The following CREBL2 variants were observed in gnomAD, a reference collection of about 807,000 sequenced individuals.
The protein encoded by CREBL2 is cAMP responsive element binding protein like 2.
A neutral mutation model predicts 19.5 loss-of-function variants in CREBL2; 4 were observed. The observed-to-expected ratio is 0.20, with a 90% CI of 0.10 to 0.47. The LOEUF (loss-of-function observed/expected upper bound fraction) is 0.47. Among genes scored for constraint, CREBL2 ranks in the 20% least tolerant of loss-of-function variants. CREBL2 has a pLI of 0.98. For synonymous variants in CREBL2, 42 were observed against 46.6 expected, an observed-to-expected ratio of 0.90 and a Z score of 0.40; for missense variants, 85 against 145.1, an observed-to-expected ratio of 0.59 and a Z score of 2.13.
chr12:12,634,821 G>A (rs989812459), intron 1 of CREBL2, among the ~76,000 whole-genome samples: 8 of 152,058 alleles, frequency 5.3e-5, no homozygotes, highest in African/African-American at 1.7e-4. Flanking sequence ...TTTGAGAGGC[G>A]GAGGCAGGAG....
At chr12:12,638,789 C>T (rs1463948805) in intron 3 of CREBL2, among the ~76,000 whole-genome samples, 1 of 152,190 alleles carries the variant, frequency 6.6e-6, no homozygotes, top group Non-Finnish European at 1.5e-5. Flanking sequence ...TCCAGGCTGT[C>T]TAGTGCAGTA....
At chr12:12,631,072 G>A (rs1366465533) in intron 1 of CREBL2, among the ~76,000 whole-genome samples, 1 of 152,204 alleles carries the variant, frequency 6.6e-6, no homozygotes, top group African/African-American at 2.4e-5. Context: ...AAAACAGGGA[G>A]TTGGAAAATT....
chr12:12,622,001 A>G (rs1945363503), intron 1 of CREBL2, among the ~76,000 whole-genome samples: 1 of 152,234 alleles, frequency 6.6e-6, no homozygotes, highest in Non-Finnish European at 1.5e-5. Flanking sequence ...CATGGGTTTT[A>G]GCATATGACT....
intron 1 of CREBL2, among the ~76,000 whole-genome samples, chr12:12,633,337 A>C (rs1262533323): frequency 6.6e-6 from 1 of 152,092 alleles, no homozygotes; most frequent in Non-Finnish European, 1.5e-5. Context: ...TGGGAGGCTG[A>C]GGCAGGAGAA....
intron 1 of CREBL2, among the ~76,000 whole-genome samples, chr12:12,626,547 T>TA (rs1357080338): frequency 6.6e-6 from 1 of 152,176 alleles, no homozygotes; most frequent in Non-Finnish European, 1.5e-5. Flanking sequence ...CATGTCTTTT[T>TA]AAAAAATAAT....
intron 3 of CREBL2, among the ~76,000 whole-genome samples, 166 bp from the exon 4 acceptor site, chr12:12,641,828 A>G (rs1245211133): frequency 6.6e-6 from 1 of 152,188 alleles, no homozygotes; most frequent in Non-Finnish European, 1.5e-5. Flanking sequence ...ATCTAAATTA[A>G]ATTAATGGAA....
chr12:12,635,486 T>G (rs1318324127), intron 1 of CREBL2, among the ~76,000 whole-genome samples: 1 of 152,162 alleles, frequency 6.6e-6, no homozygotes, highest in Non-Finnish European at 1.5e-5. Flanking sequence ...AATAAAGTTT[T>G]TATTATCTCC....
At chr12:12,626,197 T>TTA (rs1945400183) in intron 1 of CREBL2, among the ~76,000 whole-genome samples, 2 of 114,688 alleles carry the variant, frequency 1.7e-5, no homozygotes, top group Admixed American at 1.6e-4. Context: ...GAAGCCCCAG[T>TTA]TAACTCCTAA....
At chr12:12,628,723 C>T (rs116995647) in intron 1 of CREBL2, among the ~76,000 whole-genome samples, 1,785 of 152,308 alleles carry the variant, frequency 0.012, 14 homozygotes, top group Non-Finnish European at 0.016. Context: ...GAGATCCTCT[C>T]GCCCCAGCCT....
intron 3 of CREBL2, among the ~76,000 whole-genome samples, chr12:12,641,431 CCAAGTAGCTG>C (rs1945521306): frequency 6.6e-6 from 1 of 151,344 alleles, no homozygotes; most frequent in Non-Finnish European, 1.5e-5. Context: ...CCTCAGCCTC[CCAAGTAGCTG>C]GGGTTACAAG....
At chr12:12,618,816 G>A (rs1348250785) in intron 1 of CREBL2, among the ~76,000 whole-genome samples, 1 of 152,238 alleles carries the variant, frequency 6.6e-6, no homozygotes, top group Admixed American at 6.5e-5. Context: ...ATCACTCGCG[G>A]TCAGGAGCTG....
At chr12:12,618,894 T>A (rs897695410) in intron 1 of CREBL2, among the ~76,000 whole-genome samples, 12 of 151,908 alleles carry the variant, frequency 7.9e-5, no homozygotes, top group African/African-American at 2.9e-4. Flanking sequence ...CAAAAACCAG[T>A]CAGGCGTGGC....
intron 1 of CREBL2, among the ~76,000 whole-genome samples, chr12:12,621,237 G>A (rs1345358779): frequency 1.3e-5 from 2 of 152,152 alleles, no homozygotes; most frequent in Non-Finnish European, 2.9e-5. Flanking sequence ...TCAAAAACTG[G>A]GCCAGGCACA....
In CREBL2 at chr12:12,644,956, GA is replaced by G. The variant is rs1458201276; in HGVS notation, c.*2959del. ...GAGGAGTCACCTTGAATTATTTTCT[GA>G]GTCACCTTGAGTTATTTGATCTCTC... On this transcript the variant is annotated 3_prime_UTR_variant, in exon 4 of 4. Transcript: ENST00000228865. The G allele has an allele frequency of 2.0e-5, 3 of 152,178 alleles. No homozygotes were observed. The highest frequency in any genetic ancestry group is 4.4e-5 in the Non-Finnish European group (3 of 68,030). 9.4% of individuals were successfully genotyped at this position (152,178 alleles called of 1,614,324 possible).
chr12:12,617,432 A>G (rs947280643), intron 1 of CREBL2, among the ~76,000 whole-genome samples: 1 of 152,116 alleles, frequency 6.6e-6, no homozygotes, highest in Non-Finnish European at 1.5e-5. Context: ...TAATTTATTT[A>G]ACTTTTTTGA....
intron 1 of CREBL2, among the ~76,000 whole-genome samples, chr12:12,619,290 C>T (rs922015484): frequency 1.3e-5 from 2 of 151,994 alleles, no homozygotes; most frequent in South Asian, 4.2e-4. Flanking sequence ...ATGTTTACCA[C>T]TAGGAAAAAG....
chr12:12,624,033 G>A (rs149546375), intron 1 of CREBL2, among the ~76,000 whole-genome samples: 2 of 152,298 alleles, frequency 1.3e-5, no homozygotes, highest in Admixed American at 1.3e-4. Context: ...AGCTCCACCA[G>A]ACTGCCCCAG....
rs1945275030 is a variant in CREBL2 at position 12,612,459 on chromosome 12, C to T, written c.15+272C>T. On this transcript the variant is annotated intron_variant, in intron 1 of 3. Coordinates refer to ENST00000228865, the MANE Select transcript of CREBL2 (RefSeq NM_001310.4). ...AGTGCAACCCCTAGTCCTTAACTTG[C>T]CTGTCGAGATAAGAAACTACTGTAC... Among the ~76,000 whole-genome samples the T allele has an allele frequency of 2.0e-5, 3 of 152,156 alleles. No homozygotes were observed. In the South Asian group the frequency reaches 6.2e-4, roughly 32 times the overall value.
chr12:12,632,478 A>T (rs1945448996), intron 1 of CREBL2: 1 of 152,192 alleles, frequency 6.6e-6, no homozygotes, highest in Non-Finnish European at 1.5e-5. Context: ...TTATATTTTT[A>T]TGATTGCTAG....
Sources: gnomAD v4.1 joint callset for allele counts (sites outside exome capture counted in the v4.1 genomes callset) on GRCh38, gnomAD v4.1.1 for gene constraint, MANE v1.5 for transcripts, NCBI Gene and HGNC (gene_info 2026-07-23, HGNC 2026-07-21) for gene names.